Variants in PPFIBP1 observed in about 807,000 individuals in gnomAD.
PPFIBP1 encodes liprin-beta-1.
A neutral mutation model predicts 137.8 loss-of-function variants in PPFIBP1; 112 were observed. The ratio of observed to expected loss-of-function variants is 0.81; its 90% CI spans 0.70 to 0.95. The LOEUF is 0.95. Ranked by LOEUF, PPFIBP1 falls within the 40% of genes least tolerant of loss-of-function variation. The pLI, the probability that PPFIBP1 is intolerant of heterozygous loss-of-function variation, is 0.00. For missense variants in PPFIBP1, 1,083 were observed against 1,196.6 expected, an observed-to-expected ratio of 0.91 and a Z score of 1.40; for synonymous variants, 378 against 417.3, an observed-to-expected ratio of 0.91 and a Z score of 1.15.
At chr12:27,558,467 TACACACACAC>T (rs10677887) in intron 1 of PPFIBP1, among the ~76,000 whole-genome samples, 1 of 129,280 alleles carries the variant, frequency 7.7e-6, no homozygotes, top group Non-Finnish European at 1.6e-5. Flanking sequence ...CAGTATGTTA[TACACACACAC>T]ACACACACAC....
intron 1 of PPFIBP1, among the ~76,000 whole-genome samples, chr12:27,526,945 G>A (rs994213442): frequency 2.5e-4 from 38 of 152,210 alleles, no homozygotes; most frequent in South Asian, 1.5e-3. Flanking sequence ...CTAATTTCAA[G>A]GGCATCACTG....
At chr12:27,551,976 G>A (rs901860549) in intron 1 of PPFIBP1, among the ~76,000 whole-genome samples, 9 of 152,146 alleles carry the variant, frequency 5.9e-5, no homozygotes, top group African/African-American at 1.9e-4. Flanking sequence ...TTCCAGGTCC[G>A]TGTCTGCCCC....
chr12:27,623,574 C>A (rs1193187055), intron 2 of PPFIBP1, among the ~76,000 whole-genome samples: 3 of 151,856 alleles, frequency 2.0e-5, no homozygotes, highest in Admixed American at 2.0e-4. Flanking sequence ...TGAGTATGGT[C>A]GCACCCACCT....
chr12:27,666,568 T>A (rs1418247733), intron 12 of PPFIBP1, among the ~76,000 whole-genome samples: 1 of 151,794 alleles, frequency 6.6e-6, no homozygotes, highest in Non-Finnish European at 1.5e-5. Context: ...TCTAGAGATG[T>A]AAAAAAAAAT....
intron 7 of PPFIBP1, among the ~76,000 whole-genome samples, chr12:27,651,476 G>T (rs2139648273): frequency 6.6e-6 from 1 of 152,240 alleles, no homozygotes; most frequent in South Asian, 2.1e-4. Flanking sequence ...AGAAGCTGGG[G>T]CTCTTAAAAC....
chr12:27,621,580 G>A (rs552226992), intron 2 of PPFIBP1, among the ~76,000 whole-genome samples: 5 of 152,182 alleles, frequency 3.3e-5, no homozygotes, highest in Admixed American at 2.0e-4. Context: ...TCCCACAGCC[G>A]AAAACTGGTA....
intron 4 of PPFIBP1, chr12:27,636,990 A>G (rs2057724247): frequency 6.6e-6 from 1 of 152,094 alleles, no homozygotes; most frequent in Admixed American, 6.5e-5. Context: ...GCTCCCTCAC[A>G]TTCTCCTGGT....
chr12:27,690,657 A>C (rs1251228948), intron 27 of PPFIBP1, among the ~76,000 whole-genome samples: 1 of 152,246 alleles, frequency 6.6e-6, no homozygotes, highest in East Asian at 1.9e-4. Context: ...TCCATAATCC[A>C]TGTATTGGCA....
chr12:27,582,362 G>T (rs2051222568), intron 2 of PPFIBP1, among the ~76,000 whole-genome samples: 2 of 152,234 alleles, frequency 1.3e-5, no homozygotes, highest in South Asian at 4.2e-4. Context: ...TTTTTAAGAA[G>T]AGGGGAGAGG....
chr12:27,641,544 A>G (rs568734818), intron 4 of PPFIBP1, among the ~76,000 whole-genome samples: 2 of 152,354 alleles, frequency 1.3e-5, no homozygotes, highest in East Asian at 3.9e-4. Context: ...TCTATTTGAA[A>G]TTTTCTGTAA....
At position 27,688,391 on chromosome 12, in the gene PPFIBP1, C is replaced by T; in HGVS notation, c.2464C>T (p.Leu822Phe). 2 of 1,614,128 alleles carry T rather than the reference C, an allele frequency of 1.2e-6. No homozygotes were observed. Among genetic ancestry groups the T allele is most frequent in the Non-Finnish European group, 1.7e-6 (2 of 1,180,004 alleles). ...SVDLAEYAPN[L>F]RGSGVHGGLM... ...GGACTTGGCAGAATATGCGCCCAAT[C>T]TCAGAGGCAGTGGTGTCCATGGTGG... Residue 822 changes from leucine to phenylalanine, a missense_variant, in exon 26 of 30, where the codon CTC (leucine) becomes TTC (phenylalanine). Transcript: ENST00000228425.
Position 27,693,299 on chromosome 12 carries a change from A to C in PPFIBP1, c.*417A>C, listed in dbSNP as rs1593442141. ...TATGATTTCAGAATCAATATGTGGAACTTCTTTAAGCATTCAGTGTGCCCA... is the reference window on the plus strand; with the variant it reads ...TATGATTTCAGAATCAATATGTGGACCTTCTTTAAGCATTCAGTGTGCCCA... On this transcript the variant is annotated 3_prime_UTR_variant, in exon 30 of 30. Transcript: ENST00000228425. The C allele has an allele frequency of 6.4e-6, 1 of 155,266 alleles. No homozygotes were observed. Among genetic ancestry groups the C allele is most frequent in the African/African-American group, 2.4e-5 (1 of 41,450 alleles). 9.6% of individuals were successfully genotyped at this position (155,266 alleles called of 1,614,324 possible). A position where few individuals can be genotyped will look rare whatever the true frequency, so the allele number is the denominator to read the frequency against.
intron 19 of PPFIBP1, chr12:27,678,092 C>T (rs1036704012): frequency 1.3e-5 from 2 of 152,190 alleles, no homozygotes; most frequent in African/African-American, 4.8e-5. Flanking sequence ...CACAGCTCTG[C>T]TTTGTAGAAA....
In PPFIBP1 at chr12:27,692,887, A is replaced by T; in HGVS notation, c.*5A>T. ...GATGAAGACTCAAACGTTTGACCGT[A>T]GCACCTGGATGAACATTAGGAGTGC... On this transcript the variant is annotated 3_prime_UTR_variant, in exon 30 of 30. Transcript: ENST00000228425. 6.2e-7 allele frequency: 1 copy of T among 1,614,072 alleles called. No individual in the cohort carries two copies. Among genetic ancestry groups the T allele is most frequent in the East Asian group, 2.2e-5 (1 of 44,884 alleles).
chr12:27,662,272 T>C (rs901203637), intron 11 of PPFIBP1, among the ~76,000 whole-genome samples: 1 of 152,206 alleles, frequency 6.6e-6, no homozygotes, highest in Non-Finnish European at 1.5e-5. Context: ...GGGATTGTGC[T>C]GGAACATGAA....
intron 5 of PPFIBP1, among the ~76,000 whole-genome samples, chr12:27,647,042 C>T (rs989560894): frequency 2.6e-5 from 4 of 152,192 alleles, no homozygotes; most frequent in Admixed American, 1.3e-4. Flanking sequence ...CGCTCTGTTG[C>T]CGAGACGGGA....
intron 2 of PPFIBP1, among the ~76,000 whole-genome samples, chr12:27,627,341 G>A (rs1211585703): frequency 2.6e-5 from 4 of 152,170 alleles, no homozygotes; most frequent in Non-Finnish European, 5.9e-5. Context: ...TGAGTAATTT[G>A]TGTGAAAACA....
chr12:27,600,555 T>C (rs942229744), intron 2 of PPFIBP1, among the ~76,000 whole-genome samples: 6 of 152,068 alleles, frequency 3.9e-5, no homozygotes, highest in Non-Finnish European at 8.8e-5. Context: ...TTTCATTGTA[T>C]CTTTGAAAAA....
At chr12:27,663,286 G>A (rs1413211587) in intron 11 of PPFIBP1, among the ~76,000 whole-genome samples, 1 of 152,142 alleles carries the variant, frequency 6.6e-6, no homozygotes, top group Non-Finnish European at 1.5e-5. Context: ...ACATGGCCAG[G>A]CCCAGAATGA....
Sources: allele counts gnomAD v4.1 joint callset (sites outside exome capture counted in the v4.1 genomes callset), GRCh38; gene constraint gnomAD v4.1.1; transcripts MANE v1.5; gene names NCBI Gene and HGNC (gene_info 2026-07-23, HGNC 2026-07-21).